ASPM: variants seen among roughly 807,000 people sequenced by gnomAD.
ASPM encodes the protein abnormal spindle-like microcephaly-associated protein.
ASPM carries 256 observed loss-of-function variants against 366.4 expected under a neutral mutation model. That is an observed-to-expected ratio of 0.70 (90% CI 0.63 to 0.77). The LOEUF (loss-of-function observed/expected upper bound fraction) is 0.77. ASPM is among the 30% of genes least tolerant of loss of function. The pLI, the probability that ASPM is intolerant of heterozygous loss-of-function variation, is 0.00. For missense variants in ASPM, 4,146 were observed against 4,090.4 expected, an observed-to-expected ratio of 1.01 and a Z score of -0.37; for synonymous variants, 1,414 against 1,342.9, an observed-to-expected ratio of 1.05 and a Z score of -1.16.
At position 197,133,332 on chromosome 1, in the gene ASPM, T is replaced by G. The variant is rs376810071; in HGVS notation, c.2419+18A>C. The G allele has an allele frequency of 1.7e-5, 27 of 1,599,014 alleles. No individual in the cohort carries two copies. The highest frequency in any genetic ancestry group is 1.4e-5 in the Non-Finnish European group (17 of 1,173,346). ...TGTTTTTAAAGAATTAATGTCAAGA[T>G]TTCTGCAGTCTTCTTACCCACATCT... On this transcript the variant is annotated intron_variant, in intron 6 of 27. Transcript: ENST00000367409.
At position 197,125,032 on chromosome 1, in the gene ASPM, T is replaced by A. The variant is rs763929531; in HGVS notation, c.3082+14A>T. ...CAGTGAGGAGAATAAGTTTTACCTC[T>A]ACTCAGTTTTTACCATGCTCATCAC... On this transcript the variant is annotated intron_variant, in intron 11 of 27. Coordinates refer to ENST00000367409, the MANE Select transcript of ASPM (RefSeq NM_018136.5). The A allele has an allele frequency of 4.3e-6, 7 of 1,613,516 alleles. No homozygotes were observed. The highest frequency in any genetic ancestry group is 5.1e-6 in the Non-Finnish European group (6 of 1,179,502).
intron 18 of ASPM, 119 bp downstream of exon 18, chr1:197,100,312 T>C (rs1023369224): frequency 4.5e-5 from 32 of 712,712 alleles, no homozygotes; most frequent in Middle Eastern, 4.2e-4. Context: ...GGAAGATAAA[T>C]GGTCACCTCA....
At position 197,102,904 on chromosome 1, in the gene ASPM, A is replaced by C. The variant is rs774326541; in HGVS notation, c.6347T>G (p.Met2116Arg). ...GIRVRRHIQH[M>R]HRAATFIKAM... Reference sequence around the variant, plus strand: ...TTTAATAAAAGTGGCTGCCCTGTGCATGTGTTGAATATGTCTTCTAACTCT... The same window carrying C: ...TTTAATAAAAGTGGCTGCCCTGTGCCTGTGTTGAATATGTCTTCTAACTCT... The change falls in exon 18 of 28, where the codon ATG becomes AGG. Residue 2116 changes from methionine to arginine, a missense_variant. Transcript: ENST00000367409. 1 of 1,612,632 alleles carries C rather than the reference A, an allele frequency of 6.2e-7. No individual in the cohort carries two copies. Among genetic ancestry groups the C allele is most frequent in the Non-Finnish European group, 8.5e-7 (1 of 1,179,300 alleles).
rs537034419 is a variant in ASPM at position 197,117,819 on chromosome 1, T to C, written c.4035A>G (p.Lys1345=). ...TAAGTGATGCTGCTTTATTTTGAAC[T>C]TTTTCCAGCTTTTCCTTTTTTAACA... ...LLMLKKEKLE[K]VQNKAASLIQ... The change falls in exon 17 of 28, where the codon AAA becomes AAG. Residue 1345 remains lysine, a synonymous_variant. Transcript: ENST00000367409. The C allele has an allele frequency of 8.1e-6, 13 of 1,612,716 alleles. No individual in the cohort carries two copies. Among genetic ancestry groups the C allele is most frequent in the African/African-American group, 1.3e-5 (1 of 74,846 alleles).
rs77290346 is a variant in ASPM at position 197,141,091 on chromosome 1, G to T, written c.1922-1220C>A. On this transcript the variant is annotated intron_variant, in intron 3 of 27. Coordinates refer to ENST00000367409, the MANE Select transcript of ASPM (RefSeq NM_018136.5). Reference sequence around the variant, plus strand: ...AAGCAAAGAGACAATAAGAGCAGGGGTCAGCAAACTACATCCATTCCCCAT... The same window carrying T: ...AAGCAAAGAGACAATAAGAGCAGGGTTCAGCAAACTACATCCATTCCCCAT... Among the ~76,000 whole-genome samples the T allele has an allele frequency of 2.7e-3, 417 of 152,056 alleles. 14 individuals are homozygous for T. The East Asian group carries it at 0.078, about 28-fold the overall frequency.
At chr1:197,100,028 G>A (rs1025352277) in intron 18 of ASPM, among the ~76,000 whole-genome samples, 4 of 151,650 alleles carry the variant, frequency 2.6e-5, no homozygotes, top group Non-Finnish European at 5.9e-5. Context: ...GCAGCAAACA[G>A]CTCTGGTTAA....
chr1:197,102,089 C>G lies in ASPM; in HGVS notation c.7162G>C (p.Ala2388Pro). Residue 2388 changes from alanine (A) to proline (P), a missense_variant, in exon 18 of 28, where the codon GCT becomes CCT. Ala to Pro is a conservative substitution (Grantham distance 27). Coordinates refer to ENST00000367409, the MANE Select transcript of ASPM (RefSeq NM_018136.5). The part of the protein sequence containing the change: ...RQHYLRQRHS[A>P]VILQAAFRGM... Reference sequence around the variant, plus strand: ...CTGAATGCAGCCTGAAGGATCACAGCAGAGTGTCTTTGTCTGAGATAATGC... The same window carrying G: ...CTGAATGCAGCCTGAAGGATCACAGGAGAGTGTCTTTGTCTGAGATAATGC... 1.2e-6 allele frequency: 2 copies of G among 1,612,978 alleles called. No individual in the cohort carries two copies. Among genetic ancestry groups the G allele is most frequent in the South Asian group, 2.2e-5 (2 of 91,052 alleles).
Position 197,086,829 on chromosome 1 carries a change from T to C in ASPM, c.10305A>G (p.Thr3435=). 6.2e-7 allele frequency: 1 copy of C among 1,610,612 alleles called. No homozygotes were observed. Among genetic ancestry groups the C allele is most frequent in the Non-Finnish European group, 8.5e-7 (1 of 1,177,174 alleles). Residue 3435 remains threonine, a synonymous_variant, in exon 27 of 28, where the codon ACA becomes ACG. Coordinates refer to ENST00000367409, the MANE Select transcript of ASPM (RefSeq NM_018136.5). ...SSISIPFIPE[T]PVRTRIVSRL... The stretch of plus-strand genomic sequence containing the variant: ...TTGAAACTATTCTGGTCCTTACAGG[T>C]GTTTCTGGGATAAAAGGAATGCTTA...
chr1:197,105,882 C>A (rs1657393155), intron 17 of ASPM, among the ~76,000 whole-genome samples: 2 of 151,976 alleles, frequency 1.3e-5, no homozygotes, highest in African/African-American at 4.8e-5. Context: ...TACAAACTCT[C>A]AAGCTAATTC....
In ASPM at chr1:197,124,219, A is replaced by G; in HGVS notation, c.3281T>C (p.Ile1094Thr). The G allele has an allele frequency of 1.9e-6, 3 of 1,610,110 alleles. No individual in the cohort carries two copies. Among genetic ancestry groups the G allele is most frequent in the Non-Finnish European group, 2.5e-6 (3 of 1,176,702 alleles). ...SLLSCHSDDLINKKKGKRDSG... is the reference protein window; with the variant it reads ...SLLSCHSDDLTNKKKGKRDSG... ...ATCCCTTTTGCCTTTTTTCTTATTA[A>G]TAAGATCATCAGAATGGCATGATAG... is the stretch of plus-strand genomic sequence containing the variant. Residue 1094 changes from isoleucine to threonine, a missense_variant, in exon 13 of 28, where the codon ATT becomes ACT. By Grantham distance (89) the Ile-to-Thr change is moderately conservative (BLOSUM62 -1). This residue lies in a region of ASPM where 3,624 missense variants were observed against 3,591.7 expected (regional missense o/e 1.01). Coordinates refer to ENST00000367409, the MANE Select transcript of ASPM (RefSeq NM_018136.5).
rs535309013 is a variant in ASPM at position 197,109,184 on chromosome 1, ATAAT to A, written c.4066-4003_4066-4000del. Reference sequence around the variant, plus strand: ...TAGTATCACTGGTGAGTTGTATAAAATAATTAAAGACAAAATAATAACATGTCAA... The same window carrying A: ...TAGTATCACTGGTGAGTTGTATAAAATAAAGACAAAATAATAACATGTCAA... On this transcript the variant is annotated intron_variant, in intron 17 of 27. Transcript: ENST00000367409. Among the ~76,000 whole-genome samples, 21 of 103,412 alleles carry A rather than the reference ATAAT, an allele frequency of 2.0e-4. No homozygotes were observed. The South Asian group carries it at 6.6e-3, about 32-fold the overall frequency. The allele number at this position is 103,412 out of a possible 152,430, so 67.8% of individuals were successfully genotyped here.
chr1:197,111,870 G>C (rs1194036491), intron 17 of ASPM, among the ~76,000 whole-genome samples: 1 of 152,112 alleles, frequency 6.6e-6, no homozygotes, highest in Non-Finnish European at 1.5e-5. Flanking sequence ...GTCAGATGCT[G>C]GTGAGGTTGT....
rs1219471511 is a variant in ASPM at position 197,146,208 on chromosome 1, A to C, written c.230T>G (p.Val77Gly). 1 of 1,614,054 alleles carries C rather than the reference A, an allele frequency of 6.2e-7. No individual in the cohort carries two copies. Among genetic ancestry groups the C allele is most frequent in the African/African-American group, 1.3e-5 (1 of 74,998 alleles). Residue 77 changes from valine (V) to glycine (G), a missense_variant, in exon 1 of 28, where the codon GTG becomes GGG. By Grantham distance (109) the Val-to-Gly change is moderately radical. This residue lies in a region of ASPM where 512 missense variants were observed against 471.7 expected (regional missense o/e 1.09). Transcript: ENST00000367409. The stretch of plus-strand genomic sequence containing the variant: ...CGCGGCCGGGAAGTGGGAGATCTTC[A>C]CTTCTGCCACCTCCTCGTTAGGGTT... ...LDNPNEEVAE[V>G]KISHFPAADL...
Position 197,143,413 on chromosome 1 carries a change from G to C in ASPM, c.839C>G (p.Ser280Cys). ...GCCATTAACATTTACGGAATTAAAG[G>C]AAGTTTCAGTTACAGCTTTCTCATT... ...SFNEKAVTET[S>C]FNSVNVNGQR... Residue 280 changes from serine (S) to cysteine (C), a missense_variant, in exon 3 of 28, where the codon TCC (serine) becomes TGC (cysteine). Transcript: ENST00000367409. 1 of 1,613,952 alleles carries C rather than the reference G, an allele frequency of 6.2e-7. No homozygotes were observed. The highest frequency in any genetic ancestry group is 1.3e-5 in the African/African-American group (1 of 75,042).
Position 197,129,943 on chromosome 1 carries a change from G to T in ASPM, c.2601C>A (p.His867Gln). Residue 867 changes from histidine to glutamine, a missense_variant, in exon 8 of 28, where the codon CAC becomes CAA. By Grantham distance (24) the His-to-Gln change is conservative (BLOSUM62 0). Transcript: ENST00000367409. ...CTCTATACAGGTGAGGAACAGTGGGGTGTCTATACTCAGCTGCTATATCAG... is the reference window on the plus strand; with the variant it reads ...CTCTATACAGGTGAGGAACAGTGGGTTGTCTATACTCAGCTGCTATATCAG... ...WNPDIAAEYR[H>Q]PTVPHLYRDG... 1 of 1,613,956 alleles carries T rather than the reference G, an allele frequency of 6.2e-7. No individual in the cohort carries two copies. The highest frequency in any genetic ancestry group is 8.5e-7 in the Non-Finnish European group (1 of 1,179,878).
In ASPM at chr1:197,101,202, C is replaced by T. The variant is rs771359809; in HGVS notation, c.8049G>A (p.Lys2683=). ...QSYYRGFKVR[K]DIQNMHRAAT... ...CAGCCCGGTGCATATTTTGAATATC[C>T]TTTCGTACTTTAAAGCCTCTGTAAT... The change falls in exon 18 of 28, where the codon AAG becomes AAA. Residue 2683 remains lysine (K), a synonymous_variant. Transcript: ENST00000367409. 3.2e-5 allele frequency: 52 copies of T among 1,612,142 alleles called. No homozygotes were observed. The highest frequency in any genetic ancestry group is 1.0e-4 in the Admixed American group (6 of 59,704).
At chr1:197,129,371 ATCT>A in intron 8 of ASPM, 54 bp from the exon 9 acceptor site, 1 of 1,554,558 alleles carries the variant, frequency 6.4e-7, no homozygotes, top group Non-Finnish European at 8.8e-7. Flanking sequence ...GGTAGGTTTC[ATCT>A]TAAAATATGA....
intron 13 of ASPM, among the ~76,000 whole-genome samples, chr1:197,123,329 T>G (rs1657976257): frequency 6.6e-6 from 1 of 152,166 alleles, no homozygotes; most frequent in Non-Finnish European, 1.5e-5. Context: ...CCACCTTGTT[T>G]GACATCAGCT....
chr1:197,142,461 T>C lies in ASPM; in HGVS notation c.1791A>G (p.Arg597=), dbSNP rs1038761855. 6.2e-7 allele frequency: 1 copy of C among 1,613,912 alleles called. No individual in the cohort carries two copies. The highest frequency in any genetic ancestry group is 8.5e-7 in the Non-Finnish European group (1 of 1,179,888). Residue 597 remains arginine (R), a synonymous_variant, in exon 3 of 28, where the codon CGA becomes CGG. Coordinates refer to ENST00000367409, the MANE Select transcript of ASPM (RefSeq NM_018136.5). ...RVAITEHTEV[R]EIKRIHFSPS... Reference sequence around the variant, plus strand: ...GAGAAAAATGGATTCTTTTGATTTCTCGCACTTCTGTATGTTCTGTAATTG... The same window carrying C: ...GAGAAAAATGGATTCTTTTGATTTCCCGCACTTCTGTATGTTCTGTAATTG...
Sources: allele counts gnomAD v4.1 joint callset (sites outside exome capture counted in the v4.1 genomes callset), GRCh38; gene constraint gnomAD v4.1.1; regional missense constraint gnomAD v4.1.1; transcripts MANE v1.5; gene names NCBI Gene and HGNC (gene_info 2026-07-23, HGNC 2026-07-21).